INTS1: variants seen among roughly 807,000 people sequenced by gnomAD.
The protein encoded by INTS1 is integrator complex subunit 1.
In INTS1, 137 loss-of-function variants were observed where a neutral mutation model predicts 241.6. That is an observed-to-expected ratio of 0.57 (90% confidence interval 0.49 to 0.65). The LOEUF (loss-of-function observed/expected upper bound fraction) is 0.65, where lower values mean the gene tolerates loss of function less well. Ranked by LOEUF, INTS1 falls within the 30% of genes least tolerant of loss-of-function variation. The pLI is 0.00. For synonymous variants in INTS1, 1,692 were observed against 1,337.8 expected, an observed-to-expected ratio of 1.26 and a Z score of -5.78; for missense variants, 3,073 against 3,032.2, an observed-to-expected ratio of 1.01 and a Z score of -0.32.
chr7:1,474,228 G>T lies in INTS1; in HGVS notation c.5769C>A (p.Phe1923Leu). 6.2e-7 allele frequency: 1 copy of T among 1,600,690 alleles called. No homozygotes were observed. ...GLLELLQPHVFRSEHQGALWD... is the reference protein window; with the variant it reads ...GLLELLQPHVLRSEHQGALWD... ...ACAGCGCCCCCTGGTGCTCGCTGCG[G>T]AACACGTGCGGCTGCAGCAGCTCCA... The change falls in exon 41 of 48, where the codon TTC (phenylalanine) becomes TTA (leucine). Residue 1923 changes from phenylalanine to leucine, a missense_variant. Physicochemically the swap from Phe to Leu is conservative, Grantham distance 22. Coordinates refer to ENST00000404767, the MANE Select transcript of INTS1 (RefSeq NM_001080453.3).
Position 1,497,372 on chromosome 7 carries a change from C to T in INTS1, c.1426-58G>A. ...CCGACAGTGCTGTCCCTGTCACAGG[C>T]CCCTTCCCGCAGCACCAACAGGTAT... On this transcript the variant is annotated intron_variant, in intron 10 of 47. Coordinates refer to ENST00000404767, the MANE Select transcript of INTS1 (RefSeq NM_001080453.3). The surrounding 1 kb of genome is among the most constrained non-coding windows in gnomAD (Gnocchi z 5.3). 6.5e-7 allele frequency: 1 copy of T among 1,538,642 alleles called. No homozygotes were observed. Among genetic ancestry groups the T allele is most frequent in the South Asian group, 1.2e-5 (1 of 81,118 alleles).
rs10224038 is a variant in INTS1, at chr7:1,482,539, A to G, written c.3703+7T>C. On this transcript the variant is annotated splice_region_variant and intron_variant, in intron 27 of 47. Transcript: ENST00000404767. ...CAGCCCCTGCCCAAGCCCAGCCTGGACCGTACCGGCGTCCACCAGGCGGAG... is the reference window on the plus strand; with the variant it reads ...CAGCCCCTGCCCAAGCCCAGCCTGGGCCGTACCGGCGTCCACCAGGCGGAG... 1,133,377 of 1,601,602 alleles carry G rather than the reference A, an allele frequency of 0.71. 404,167 individuals carry two copies. The highest frequency in any genetic ancestry group is 0.95 in the African/African-American group (70,892 of 74,818).
In INTS1 at chr7:1,482,592, C is replaced by G. The variant is rs770194290; in HGVS notation, c.3657G>C (p.Leu1219=). The change falls in exon 27 of 48, where the codon CTG becomes CTC. Residue 1219 remains leucine (L), a synonymous_variant. Coordinates refer to ENST00000404767, the MANE Select transcript of INTS1 (RefSeq NM_001080453.3). ...SEEALLLPDW[L]KLRMIRSEVL... ...CCTCAGAACGGATCATGCGCAGCTT[C>G]AGCCAGTCAGGAAGCAGCAGCGCCT... The G allele has an allele frequency of 6.2e-7, 1 of 1,612,830 alleles. No individual in the cohort carries two copies. The highest frequency in any genetic ancestry group is 1.1e-5 in the South Asian group (1 of 91,090).
In INTS1 at chr7:1,472,183, G is replaced by T. The variant is rs370537457; in HGVS notation, c.6184+90C>A. 9.5e-5 allele frequency: 95 copies of T among 1,002,242 alleles called. No homozygotes were observed. In the East Asian group the frequency reaches 2.0e-3, roughly 21 times the overall value. 62.1% of individuals were successfully genotyped at this position (1,002,242 alleles called of 1,614,324 possible). ...CAGCGTGGGCCAGGCTCACGCCAAA[G>T]TCAGTGCCCAAATGGCTACTGGCTG... is the stretch of plus-strand genomic sequence containing the variant. On this transcript the variant is annotated intron_variant, in intron 44 of 47. Coordinates refer to ENST00000404767, the MANE Select transcript of INTS1 (RefSeq NM_001080453.3).
chr7:1,486,610 C>T lies in INTS1; in HGVS notation c.2976+15G>A, dbSNP rs373712269. ...CATGAAGAGCGTGCGCAGAAAGACCCGCCCACCACCTCACCTTCATGGCCA... is the reference window on the plus strand; with the variant it reads ...CATGAAGAGCGTGCGCAGAAAGACCTGCCCACCACCTCACCTTCATGGCCA... On this transcript the variant is annotated intron_variant, in intron 22 of 47. Coordinates refer to ENST00000404767, the MANE Select transcript of INTS1 (RefSeq NM_001080453.3). The T allele has an allele frequency of 1.1e-4, 183 of 1,608,248 alleles. 1 individual carries two copies. Among genetic ancestry groups the T allele is most frequent in the Non-Finnish European group, 7.0e-5 (82 of 1,177,938 alleles).
chr7:1,471,098 G>A lies in INTS1; in HGVS notation c.6347+35C>T, dbSNP rs554871901. ...GTGACCTGGGTTAGCAGGGCCCAGC[G>A]GTGGCGGCGGGACAGAGGCCGGCGG... On this transcript the variant is annotated intron_variant, in intron 46 of 47. Coordinates refer to ENST00000404767, the MANE Select transcript of INTS1 (RefSeq NM_001080453.3). The A allele has an allele frequency of 1.4e-4, 210 of 1,542,388 alleles. 2 individuals are homozygous for A. The South Asian group carries it at 1.6e-3, about 12-fold the overall frequency.
chr7:1,479,828 T>C lies in INTS1; in HGVS notation c.4075-144A>G, dbSNP rs187769270. 6 of 941,506 alleles carry C rather than the reference T, an allele frequency of 6.4e-6. No individual in the cohort carries two copies. In the East Asian group the frequency reaches 1.7e-4, roughly 27 times the overall value. 58.3% of individuals were successfully genotyped at this position (941,506 alleles called of 1,614,324 possible). A position where few individuals can be genotyped will look rare whatever the true frequency, so the allele number is the denominator to read the frequency against. On this transcript the variant is annotated intron_variant, in intron 30 of 47. Coordinates refer to ENST00000404767, the MANE Select transcript of INTS1 (RefSeq NM_001080453.3). ...CATTCGTAGCCCCCACCTTGTGGCCTGAGGGGCCCAGGGCCCTTGAGACCT... is the reference window on the plus strand; with the variant it reads ...CATTCGTAGCCCCCACCTTGTGGCCCGAGGGGCCCAGGGCCCTTGAGACCT...
chr7:1,490,135 G>C (rs1358079318), intron 16 of INTS1, among the ~76,000 whole-genome samples: 1 of 152,218 alleles, frequency 6.6e-6, no homozygotes, highest in African/African-American at 2.4e-5. Flanking sequence ...AGAGGCTGCT[G>C]AGTGGGAAAG....
chr7:1,482,970 C>T (rs921953301), intron 26 of INTS1: 16 of 495,614 alleles, frequency 3.2e-5, no homozygotes, highest in Non-Finnish European at 5.8e-5. Flanking sequence ...TGCGTGTCCC[C>T]ATCCAGCCCC....
Position 1,499,364 on chromosome 7 carries a change from C to T in INTS1, c.845-4G>A. ...AGGGAGGGGTGTGGGCTGCTCCCTG[C>T]AAACCAAGGAGAGGGCTCCATGCAG... On this transcript the variant is annotated splice_polypyrimidine_tract_variant and splice_region_variant and intron_variant, in intron 6 of 47. Coordinates refer to ENST00000404767, the MANE Select transcript of INTS1 (RefSeq NM_001080453.3). The T allele has an allele frequency of 6.4e-7, 1 of 1,572,410 alleles. No individual in the cohort carries two copies. The highest frequency in any genetic ancestry group is 1.2e-5 in the South Asian group (1 of 85,198).
chr7:1,500,355 C>G lies in INTS1; in HGVS notation c.361G>C (p.Val121Leu), dbSNP rs1164848612. The change falls in exon 4 of 48, where the codon GTG (valine) becomes CTG (leucine). Residue 121 changes from valine (V) to leucine (L), a missense_variant. Coordinates refer to ENST00000404767, the MANE Select transcript of INTS1 (RefSeq NM_001080453.3). ...SVVPIEVLPT[V>L]LLDEIEAAEL... ...GCCGCCTCGATCTCATCCAGCAGCA[C>G]CGTGGGCAGCACTGGCCGGGGCAGG... 6.3e-7 allele frequency: 1 copy of G among 1,575,508 alleles called. No individual in the cohort carries two copies. The highest frequency in any genetic ancestry group is 2.3e-5 in the East Asian group (1 of 43,726).
In INTS1 at chr7:1,493,921, G is replaced by T. The variant is rs535790665; in HGVS notation, c.1911-10C>A. ...CAGACGCAGGAAGAAGCTGCGGGGTGGGGGAGGCATGACTCGGTGTGGGCT... is the reference window on the plus strand; with the variant it reads ...CAGACGCAGGAAGAAGCTGCGGGGTTGGGGAGGCATGACTCGGTGTGGGCT... On this transcript the variant is annotated splice_polypyrimidine_tract_variant and intron_variant, in intron 14 of 47. Coordinates refer to ENST00000404767, the MANE Select transcript of INTS1 (RefSeq NM_001080453.3). This position sits in a 1 kb window ranked among gnomAD's most constrained non-coding sequence, Gnocchi z 5.3. 16 of 1,552,454 alleles carry T rather than the reference G, an allele frequency of 1.0e-5. No homozygotes were observed. The highest frequency in any genetic ancestry group is 2.4e-5 in the East Asian group (1 of 41,064).
chr7:1,474,955 G>T, intron 39 of INTS1, 117 bp from the exon 40 acceptor site: 1 of 1,352,336 alleles, frequency 7.4e-7, no homozygotes, highest in Admixed American at 2.5e-5. Context: ...ATGAGCAGAG[G>T]AACTGGCTCC....
chr7:1,482,052 G>A (rs536037943), intron 27 of INTS1, among the ~76,000 whole-genome samples: 3 of 152,326 alleles, frequency 2.0e-5, no homozygotes, highest in East Asian at 1.9e-4. Context: ...CCCCTTGGCA[G>A]TCATGGGTTT....
chr7:1,473,888 A>G (rs1449005012), intron 41 of INTS1, among the ~76,000 whole-genome samples, 195 bp from the exon 42 acceptor site: 1 of 152,238 alleles, frequency 6.6e-6, no homozygotes, highest in Non-Finnish European at 1.5e-5. Context: ...TGTCTGGGGC[A>G]TGTGCCCAGA....
At position 1,485,209 on chromosome 7, in the gene INTS1, G is replaced by A; in HGVS notation, c.3157-7C>T. The stretch of plus-strand genomic sequence containing the variant: ...CAGTCTCCATGTGGATTGCCTGGAG[G>A]GGAGGGTGGTCTGAGCGGCAACAGG... On this transcript the variant is annotated splice_region_variant and splice_polypyrimidine_tract_variant and intron_variant, in intron 23 of 47. Transcript: ENST00000404767. The A allele has an allele frequency of 1.9e-6, 3 of 1,599,604 alleles. No individual in the cohort carries two copies. Among genetic ancestry groups the A allele is most frequent in the Non-Finnish European group, 2.5e-6 (3 of 1,178,836 alleles).
intron 29 of INTS1, 105 bp downstream of exon 29, chr7:1,480,730 T>C (rs1397111528): frequency 6.5e-6 from 6 of 916,328 alleles, no homozygotes; most frequent in East Asian, 5.3e-5. Flanking sequence ...TGCACTGCCC[T>C]GTGTGGCTGT....
intron 43 of INTS1, among the ~76,000 whole-genome samples, 184 bp downstream of exon 43, chr7:1,472,888 G>A (rs1781538298): frequency 6.6e-6 from 1 of 152,204 alleles, no homozygotes; most frequent in Non-Finnish European, 1.5e-5. Flanking sequence ...CTGATGCTCT[G>A]TCAGGCACCA....
At position 1,480,916 on chromosome 7, in the gene INTS1, C is replaced by T; in HGVS notation, c.3868G>A (p.Val1290Met). 6.4e-7 allele frequency: 1 copy of T among 1,571,494 alleles called. No individual in the cohort carries two copies. Among genetic ancestry groups the T allele is most frequent in the Non-Finnish European group, 8.6e-7 (1 of 1,159,632 alleles). Residue 1290 changes from valine to methionine, a missense_variant, in exon 29 of 48, where the codon GTG (valine) becomes ATG (methionine). By Grantham distance (21) the Val-to-Met change is conservative. Coordinates refer to ENST00000404767, the MANE Select transcript of INTS1 (RefSeq NM_001080453.3). ...GCGCCGCGCTCATGCTGGACCTCCA[C>T]CAGGTGGGCCATGTAATCTGCAAAC... ...IMDKNYMAHL[V>M]EVQHERGASG...
Sources: gnomAD v4.1 joint callset for allele counts (sites outside exome capture counted in the v4.1 genomes callset) on GRCh38, gnomAD v4.1.1 for gene constraint, Gnocchi (gnomAD v3.1) non-coding constraint, MANE v1.5 for transcripts, NCBI Gene and HGNC (gene_info 2026-07-23, HGNC 2026-07-21) for gene names.